Variants in MAGI3 observed in about 807,000 individuals in gnomAD.
The protein encoded by MAGI3 is membrane-associated guanylate kinase, WW and PDZ domain-containing protein 3.
Under a neutral mutation model 121.8 loss-of-function variants are expected in MAGI3, and 43 were observed. That is an observed-to-expected ratio of 0.35 (90% CI 0.28 to 0.46). The LOEUF is 0.46. MAGI3 is among the 20% of genes least tolerant of loss of function. The pLI, the probability that MAGI3 is intolerant of heterozygous loss-of-function variation, is 1.00. For synonymous variants in MAGI3, 553 were observed against 639.3 expected (o/e 0.86, Z 2.04); for missense variants, 1,547 against 1,797.3 (o/e 0.86, Z 2.52).
chr1:113,676,779 C>T (rs556498076), intron 19 of MAGI3, among the ~76,000 whole-genome samples: 2 of 152,124 alleles, frequency 1.3e-5, no homozygotes, highest in Admixed American at 6.5e-5. Flanking sequence ...CTCTCCTCTT[C>T]TCCCTTTATT....
At chr1:113,619,206 G>A (rs1268146780) in intron 7 of MAGI3, among the ~76,000 whole-genome samples, 1 of 152,098 alleles carries the variant, frequency 6.6e-6, no homozygotes, top group African/African-American at 2.4e-5. Flanking sequence ...GTGTGAAAGA[G>A]TTATTCTATA....
chr1:113,642,249 G>A lies in MAGI3; in HGVS notation c.1699G>A (p.Ala567Thr). ...SDASEQRVSM[A>T]SSGSSQPELV... Reference sequence around the variant, plus strand: ...TGCAAGTGAGCAGAGAGTATCCATGGCATCGTCAGGCAGCTCCCAGCCTGA... The same window carrying A: ...TGCAAGTGAGCAGAGAGTATCCATGACATCGTCAGGCAGCTCCCAGCCTGA... Residue 567 changes from alanine to threonine, a missense_variant, in exon 10 of 21, where the codon GCA (alanine) becomes ACA (threonine). Transcript: ENST00000307546. 6.2e-7 allele frequency: 1 copy of A among 1,614,118 alleles called. No individual in the cohort carries two copies. The highest frequency in any genetic ancestry group is 8.5e-7 in the Non-Finnish European group (1 of 1,180,022).
intron 1 of MAGI3, among the ~76,000 whole-genome samples, chr1:113,420,323 C>T (rs1318324531): frequency 6.6e-6 from 1 of 152,270 alleles, no homozygotes; most frequent in African/African-American, 2.4e-5. Flanking sequence ...CAATCCCTGC[C>T]TTAAGGAATT....
intron 19 of MAGI3, among the ~76,000 whole-genome samples, 152 bp from the exon 20 acceptor site, chr1:113,681,043 CTCA>C (rs141152312): frequency 0.02 from 3,072 of 152,224 alleles, 46 homozygotes; most frequent in Middle Eastern, 0.041. Context: ...CATCTGTCCT[CTCA>C]TCAACTCTCA....
chr1:113,665,690 T>C (rs1654007611), intron 16 of MAGI3, among the ~76,000 whole-genome samples: 1 of 152,186 alleles, frequency 6.6e-6, no homozygotes, highest in African/African-American at 2.4e-5. Flanking sequence ...AGCTCATCTT[T>C]TATGTCCTTT....
intron 1 of MAGI3, among the ~76,000 whole-genome samples, chr1:113,524,298 A>T (rs1008555457): frequency 1.1e-4 from 16 of 151,936 alleles, no homozygotes; most frequent in Admixed American, 9.8e-4. Context: ...CCTCGTGGAG[A>T]TGTGAGAAGA....
chr1:113,678,089 T>C (rs1475409965), intron 19 of MAGI3, among the ~76,000 whole-genome samples: 1 of 151,314 alleles, frequency 6.6e-6, no homozygotes, highest in Non-Finnish European at 1.5e-5. Flanking sequence ...TGGTGGCAAG[T>C]CTGTTCAATT....
chr1:113,493,898 A>G (rs992916542), intron 1 of MAGI3, among the ~76,000 whole-genome samples: 2 of 152,210 alleles, frequency 1.3e-5, no homozygotes, highest in Non-Finnish European at 2.9e-5. Flanking sequence ...GAGAAAAAGG[A>G]ACACTTATAC....
chr1:113,666,862 G>T (rs999902354), intron 16 of MAGI3, among the ~76,000 whole-genome samples: 1 of 152,164 alleles, frequency 6.6e-6, no homozygotes, highest in Non-Finnish European at 1.5e-5. Flanking sequence ...TGTTGTATTG[G>T]AACTCATGAA....
intron 1 of MAGI3, among the ~76,000 whole-genome samples, chr1:113,425,080 A>T (rs1385961296): frequency 1.3e-5 from 2 of 151,710 alleles, no homozygotes; most frequent in African/African-American, 4.8e-5. Context: ...AATCACTTGA[A>T]CCTGGGAGAT....
chr1:113,543,283 T>G (rs1194021497), intron 1 of MAGI3, among the ~76,000 whole-genome samples: 1 of 152,152 alleles, frequency 6.6e-6, no homozygotes, highest in East Asian at 1.9e-4. Context: ...TTTTAAAATG[T>G]TAATAAATAA....
intron 1 of MAGI3, among the ~76,000 whole-genome samples, chr1:113,413,558 C>T (rs1652124422): frequency 6.6e-6 from 1 of 152,110 alleles, no homozygotes; most frequent in African/African-American, 2.4e-5. Flanking sequence ...TTTCATCGAG[C>T]AGTGGTTTGT....
At chr1:113,587,894 T>C (rs1648474498) in intron 4 of MAGI3, among the ~76,000 whole-genome samples, 1 of 152,208 alleles carries the variant, frequency 6.6e-6, no homozygotes, top group Non-Finnish European at 1.5e-5. Flanking sequence ...TTTCTATCAT[T>C]TTTTCTGCAT....
chr1:113,639,236 C>T (rs1399218855), intron 9 of MAGI3, among the ~76,000 whole-genome samples: 9 of 152,348 alleles, frequency 5.9e-5, no homozygotes, highest in Non-Finnish European at 7.3e-5. Flanking sequence ...GTGCGCTGCA[C>T]CCACTATCCT....
chr1:113,641,997 A>G lies in MAGI3; in HGVS notation c.1447A>G (p.Asn483Asp). The G allele has an allele frequency of 6.2e-7, 1 of 1,614,130 alleles. No individual in the cohort carries two copies. The highest frequency in any genetic ancestry group is 1.1e-5 in the South Asian group (1 of 91,082). ...VVQMFQLVPV[N>D]QYVNLTLCRG... The stretch of plus-strand genomic sequence containing the variant: ...CCAGATGTTTCAATTGGTACCTGTC[A>G]ATCAGTATGTAAACCTCACTTTATG... The change falls in exon 10 of 21, where the codon AAT becomes GAT. Residue 483 changes from asparagine to aspartate, a missense_variant. Coordinates refer to ENST00000307546, the MANE Select transcript of MAGI3 (RefSeq NM_001142782.2).
At chr1:113,518,477 G>C (rs1361037535) in intron 1 of MAGI3, among the ~76,000 whole-genome samples, 1 of 151,664 alleles carries the variant, frequency 6.6e-6, no homozygotes, top group Non-Finnish European at 1.5e-5. Context: ...TGTTTTTTTT[G>C]TGTCTACATA....
intron 1 of MAGI3, among the ~76,000 whole-genome samples, chr1:113,545,340 T>C (rs1278830016): frequency 6.6e-6 from 1 of 151,460 alleles, no homozygotes; most frequent in African/African-American, 2.4e-5. Context: ...TTTTTTTTGC[T>C]TTATTTTTAG....
chr1:113,471,085 G>A (rs1458527861), intron 1 of MAGI3, among the ~76,000 whole-genome samples: 2 of 152,060 alleles, frequency 1.3e-5, no homozygotes, highest in African/African-American at 4.8e-5. Context: ...GTTGGTTTTT[G>A]TTTATGGTCT....
chr1:113,577,418 C>T (rs75009196), intron 2 of MAGI3, among the ~76,000 whole-genome samples: 1 of 151,792 alleles, frequency 6.6e-6, no homozygotes, highest in Non-Finnish European at 1.5e-5. Context: ...GTGTATGGCT[C>T]CAAAGAACTC....
Sources: gnomAD v4.1 joint callset for allele counts (sites outside exome capture counted in the v4.1 genomes callset) on GRCh38, gnomAD v4.1.1 for gene constraint, MANE v1.5 for transcripts, NCBI Gene and HGNC (gene_info 2026-07-23, HGNC 2026-07-21) for gene names.